The following SGCZ variants were observed in gnomAD, a reference collection of about 807,000 sequenced individuals.
SGCZ encodes the protein sarcoglycan zeta.
In SGCZ, 40 loss-of-function variants were observed where a neutral mutation model predicts 41.3. The observed-to-expected ratio is 0.97, with a 90% CI of 0.75 to 1.26. The LOEUF is 1.26. Among genes scored for constraint, SGCZ ranks in the 50% most tolerant of loss-of-function variants. SGCZ has a pLI of 0.00. For missense variants in SGCZ, 552 were observed against 369.8 expected, an observed-to-expected ratio of 1.49 and a Z score of -4.04; for synonymous variants, 206 against 137.5, an observed-to-expected ratio of 1.50 and a Z score of -3.49.
intron 3 of SGCZ, among the ~76,000 whole-genome samples, chr8:14,305,648 C>G (rs75461288): frequency 3.9e-5 from 6 of 152,120 alleles, no homozygotes; most frequent in African/African-American, 1.2e-4. Context: ...AGCTATAAAA[C>G]TATTAAGACA....
intron 2 of SGCZ, among the ~76,000 whole-genome samples, chr8:14,330,155 C>A (rs1802261464): frequency 6.6e-6 from 1 of 152,026 alleles, no homozygotes; most frequent in Admixed American, 6.6e-5. Flanking sequence ...TATTCTGATT[C>A]TAATTTTAGT....
At chr8:14,654,234 TAA>T (rs58416522) in intron 1 of SGCZ, among the ~76,000 whole-genome samples, 14 of 143,846 alleles carry the variant, frequency 9.7e-5, no homozygotes, top group Admixed American at 2.1e-4. Context: ...ACAGAGAAAT[TAA>T]AAAAAAAAAA....
At chr8:15,237,116 C>G (rs547408252) in intron 1 of SGCZ, among the ~76,000 whole-genome samples, 59 of 152,360 alleles carry the variant, frequency 3.9e-4, no homozygotes, top group Non-Finnish European at 7.3e-4. Flanking sequence ...CGCGAATCTC[C>G]GAGCGGAAAT....
intron 1 of SGCZ, among the ~76,000 whole-genome samples, chr8:15,202,863 A>G (rs1563181638): frequency 1.3e-5 from 2 of 152,022 alleles, no homozygotes; most frequent in African/African-American, 4.8e-5. Flanking sequence ...ATAATCCCAG[A>G]ACGTCGGGAA....
At chr8:14,131,073 G>T (rs1803026583) in intron 5 of SGCZ, among the ~76,000 whole-genome samples, 1 of 152,120 alleles carries the variant, frequency 6.6e-6, no homozygotes, top group African/African-American at 2.4e-5. Flanking sequence ...CTGTCCCTCT[G>T]CAGGAGGGAT....
At chr8:14,868,956 C>T (rs1429833753) in intron 1 of SGCZ, among the ~76,000 whole-genome samples, 1 of 151,920 alleles carries the variant, frequency 6.6e-6, no homozygotes, top group African/African-American at 2.4e-5. Flanking sequence ...AATAACTTAC[C>T]AACCAAAAAA....
intron 1 of SGCZ, among the ~76,000 whole-genome samples, chr8:14,785,073 G>C (rs1800726175): frequency 1.3e-5 from 2 of 148,848 alleles, no homozygotes; most frequent in Admixed American, 1.4e-4. Context: ...ATGACAAAAA[G>C]AAAATTAGTA....
At chr8:14,795,428 GTT>G (rs67931216) in intron 1 of SGCZ, among the ~76,000 whole-genome samples, 2 of 150,784 alleles carry the variant, frequency 1.3e-5, no homozygotes, top group African/African-American at 4.9e-5. Context: ...ATACTTTGGG[GTT>G]TTTTTTTCAT....
intron 1 of SGCZ, among the ~76,000 whole-genome samples, chr8:15,170,850 T>C (rs1185965946): frequency 1.3e-5 from 2 of 152,176 alleles, no homozygotes; most frequent in African/African-American, 2.4e-5. Context: ...AAGTAAGAAA[T>C]TGTGAAACAT....
chr8:14,953,935 T>C (rs1800720331), intron 1 of SGCZ, among the ~76,000 whole-genome samples: 1 of 152,202 alleles, frequency 6.6e-6, no homozygotes, highest in Non-Finnish European at 1.5e-5. Context: ...TAAATATTTT[T>C]TTCATCCCCA....
At chr8:14,747,614 G>C (rs73199249) in intron 1 of SGCZ, among the ~76,000 whole-genome samples, 1 of 151,340 alleles carries the variant, frequency 6.6e-6, no homozygotes, top group Non-Finnish European at 1.5e-5. Flanking sequence ...CCATTAAAAT[G>C]ACATATTCTG....
chr8:14,535,261 T>C (rs1803258067), intron 2 of SGCZ, among the ~76,000 whole-genome samples: 1 of 151,952 alleles, frequency 6.6e-6, no homozygotes, highest in Non-Finnish European at 1.5e-5. Flanking sequence ...TTATTTTTAA[T>C]TGTAAGACAT....
chr8:14,371,980 A>C (rs1451402318), intron 2 of SGCZ, among the ~76,000 whole-genome samples: 1 of 152,120 alleles, frequency 6.6e-6, no homozygotes, highest in Admixed American at 6.6e-5. Context: ...GAAGAAAACA[A>C]AAGCTAAATT....
chr8:15,071,175 T>C (rs1315392652), intron 1 of SGCZ, among the ~76,000 whole-genome samples: 1 of 152,204 alleles, frequency 6.6e-6, no homozygotes, highest in Admixed American at 6.5e-5. Context: ...TGGCTTAGGC[T>C]TTATAATGTT....
At chr8:14,254,001 T>C (rs116992675) in intron 3 of SGCZ, among the ~76,000 whole-genome samples, 2,416 of 152,266 alleles carry the variant, frequency 0.016, 17 homozygotes, top group Middle Eastern at 0.027. Flanking sequence ...AAGAAAAACA[T>C]ATTTATGCTT....
At position 14,397,242 on chromosome 8, in the gene SGCZ, T is replaced by C. The variant is rs1798944957; in HGVS notation, c.235-73038A>G. Among the ~76,000 whole-genome samples, 3 of 152,172 alleles carry C rather than the reference T, an allele frequency of 2.0e-5. No homozygotes were observed. The South Asian group carries it at 6.2e-4, about 31-fold the overall frequency. ...TAGAAATATGAGATGAGGCTATTTA[T>C]AATTTTTGTAAATTTGATAAAAGTT... On this transcript the variant is annotated intron_variant, in intron 2 of 7. Transcript: ENST00000382080.
At chr8:14,526,453 A>G (rs950302577) in intron 2 of SGCZ, among the ~76,000 whole-genome samples, 1 of 152,146 alleles carries the variant, frequency 6.6e-6, no homozygotes, top group Non-Finnish European at 1.5e-5. Flanking sequence ...GGAAATTATA[A>G]ACATACCTTT....
intron 5 of SGCZ, among the ~76,000 whole-genome samples, chr8:14,116,443 G>A (rs190108322): frequency 4.8e-4 from 73 of 151,998 alleles, no homozygotes; most frequent in African/African-American, 1.5e-3. Flanking sequence ...CAGAATCTTC[G>A]TACACACAGC....
intron 4 of SGCZ, among the ~76,000 whole-genome samples, chr8:14,225,176 A>C (rs1351478017): frequency 6.6e-6 from 1 of 152,104 alleles, no homozygotes; most frequent in Non-Finnish European, 1.5e-5. Context: ...GATTTTAACC[A>C]ATGAAGATGA....
Sources: gnomAD v4.1 joint callset for allele counts (sites outside exome capture counted in the v4.1 genomes callset) on GRCh38, gnomAD v4.1.1 for gene constraint, MANE v1.5 for transcripts, NCBI Gene and HGNC (gene_info 2026-07-23, HGNC 2026-07-21) for gene names.